The following MAPK10 variants were observed in gnomAD, a reference collection of about 807,000 sequenced individuals.
MAPK10 encodes the protein mitogen-activated protein kinase 10, also known as JNK3 alpha protein kinase.
Under a neutral mutation model 59.3 loss-of-function variants are expected in MAPK10, and 25 were observed. The ratio of observed to expected loss-of-function variants is 0.42; its 90% confidence interval spans 0.31 to 0.59. MAPK10 has a LOEUF of 0.59. Among genes scored for constraint, MAPK10 ranks in the 20% least tolerant of loss-of-function variants. The pLI is 0.15. For synonymous variants in MAPK10, 190 were observed against 200.5 expected (o/e 0.95, Z 0.44); for missense variants, 351 against 568.9 (o/e 0.62, Z 3.90).
At chr4:86,564,094 A>T (rs1470527929) in intron 1 of MAPK10, among the ~76,000 whole-genome samples, 1 of 152,140 alleles carries the variant, frequency 6.6e-6, no homozygotes, top group Non-Finnish European at 1.5e-5. Context: ...GGCCTCCCAA[A>T]GTTCTGGGAT....
rs1743476502 is a variant in MAPK10 at position 86,016,768 on chromosome 4, TAC to T, written c.*458_*459del. Reference sequence around the variant, plus strand: ...CTCTAAGTAAGTAGTGCTGTATGAATACAGACACATGCGGATCTGTATCTACA... The same window carrying T: ...CTCTAAGTAAGTAGTGCTGTATGAATAGACACATGCGGATCTGTATCTACA... On this transcript the variant is annotated 3_prime_UTR_variant, in exon 14 of 14. Transcript: ENST00000641462. 2 of 167,608 alleles carry T rather than the reference TAC, an allele frequency of 1.2e-5. No homozygotes were observed. Among genetic ancestry groups the T allele is most frequent in the Non-Finnish European group, 2.6e-5 (2 of 76,940 alleles). The allele number at this position is 167,608 out of a possible 1,614,324, so 10.4% of individuals were successfully genotyped here. A position where few individuals can be genotyped will look rare whatever the true frequency, so the allele number is the denominator to read the frequency against.
chr4:86,062,846 T>C (rs2045986819), intron 11 of MAPK10, among the ~76,000 whole-genome samples: 1 of 152,164 alleles, frequency 6.6e-6, no homozygotes, highest in African/African-American at 2.4e-5. Context: ...ATTTCCCAAG[T>C]GTGGGAGACT....
At chr4:86,390,498 G>GTA (rs1742054869) in intron 1 of MAPK10, among the ~76,000 whole-genome samples, 1 of 152,162 alleles carries the variant, frequency 6.6e-6, no homozygotes, top group Non-Finnish European at 1.5e-5. Context: ...GCTAGGGTAG[G>GTA]GGCTTCCATG....
chr4:86,227,485 T>TAAAA (rs557108399), intron 2 of MAPK10, among the ~76,000 whole-genome samples: 14 of 114,186 alleles, frequency 1.2e-4, no homozygotes, highest in African/African-American at 4.2e-4. Context: ...AGACTCCCTC[T>TAAAA]AAAAAAAAAA....
rs1754983659 is a variant in MAPK10, at chr4:86,497,770, T to C, written c.-263+96140A>G. Among the ~76,000 whole-genome samples, 5 of 152,134 alleles carry C rather than the reference T, an allele frequency of 3.3e-5. No individual in the cohort carries two copies. In the South Asian group the frequency reaches 8.3e-4, roughly 25 times the overall value. On this transcript the variant is annotated intron_variant, in intron 1 of 4. Transcript: ENST00000502302. ...ACCAAGCAAGCATCATATCATTAAATATGAAGTTGAGAAGATACGCTAACA... is the reference window on the plus strand; with the variant it reads ...ACCAAGCAAGCATCATATCATTAAACATGAAGTTGAGAAGATACGCTAACA...
intron 2 of MAPK10, among the ~76,000 whole-genome samples, chr4:86,316,050 G>C (rs1024352806): frequency 6.6e-6 from 1 of 152,084 alleles, no homozygotes; most frequent in Non-Finnish European, 1.5e-5. Flanking sequence ...GTCACTGCTA[G>C]AGTGGTATCT....
intron 2 of MAPK10, among the ~76,000 whole-genome samples, chr4:86,280,010 T>A (rs996247235): frequency 3.9e-5 from 6 of 152,142 alleles, no homozygotes; most frequent in African/African-American, 1.4e-4. Flanking sequence ...ATAAAAACCC[T>A]AGAAGAAAAC....
chr4:86,317,049 T>C (rs2095801685), intron 2 of MAPK10, among the ~76,000 whole-genome samples: 1 of 152,116 alleles, frequency 6.6e-6, no homozygotes, highest in South Asian at 2.1e-4. Flanking sequence ...GGAGAAATAA[T>C]CTGCCCAAAA....
intron 1 of MAPK10, among the ~76,000 whole-genome samples, chr4:86,575,145 G>C (rs899853893): frequency 6.6e-6 from 1 of 152,114 alleles, no homozygotes; most frequent in South Asian, 2.1e-4. Flanking sequence ...TGTTTGAGCC[G>C]GGACATTGGC....
chr4:86,266,332 C>T (rs72865371), intron 2 of MAPK10, among the ~76,000 whole-genome samples: 1 of 152,138 alleles, frequency 6.6e-6, no homozygotes, highest in Admixed American at 6.5e-5. Flanking sequence ...TGTATGACCT[C>T]GGCATACAGA....
intron 2 of MAPK10, among the ~76,000 whole-genome samples, chr4:86,346,044 A>G (rs1246903632): frequency 1.3e-5 from 2 of 152,232 alleles, no homozygotes; most frequent in Admixed American, 1.3e-4. Flanking sequence ...ATGAAAACAG[A>G]ATGTGTTTTG....
At chr4:86,376,670 T>C (rs924681907) in intron 1 of MAPK10, among the ~76,000 whole-genome samples, 21 of 152,170 alleles carry the variant, frequency 1.4e-4, no homozygotes, top group Non-Finnish European at 2.1e-4. Context: ...ATTAATCATA[T>C]CCATTCTATG....
At position 86,107,195 on chromosome 4, in the gene MAPK10, C is replaced by T. The variant is rs1159388633; in HGVS notation, c.366+28G>A. On this transcript the variant is annotated intron_variant, in intron 5 of 13. Coordinates refer to ENST00000641462, the MANE Select transcript of MAPK10 (RefSeq NM_138982.4). Reference sequence around the variant, plus strand: ...TTTCCAATCTTACAAACTCCCACTGCCAGAAGTTTAAAAATAACAAAACTC... The same window carrying T: ...TTTCCAATCTTACAAACTCCCACTGTCAGAAGTTTAAAAATAACAAAACTC... 3 of 1,587,428 alleles carry T rather than the reference C, an allele frequency of 1.9e-6. No homozygotes were observed. In the Admixed American group the frequency reaches 5.2e-5, roughly 28 times the overall value.
At chr4:86,109,297 G>C (rs1027071873) in intron 4 of MAPK10, among the ~76,000 whole-genome samples, 2 of 152,144 alleles carry the variant, frequency 1.3e-5, no homozygotes, top group Non-Finnish European at 2.9e-5. Context: ...GTAAATGTGG[G>C]ACATGGTGGT....
chr4:86,364,320 G>A (rs540105853), upstream of MAPK10, among the ~76,000 whole-genome samples: 1 of 152,040 alleles, frequency 6.6e-6, no homozygotes, highest in South Asian at 2.1e-4. Context: ...GTAGAGACAG[G>A]GTTTCACCAT....
At chr4:86,078,388 T>C (rs766399575) in intron 9 of MAPK10, among the ~76,000 whole-genome samples, 6 of 152,120 alleles carry the variant, frequency 3.9e-5, no homozygotes, top group Non-Finnish European at 5.9e-5. Context: ...GCAAAGGCCA[T>C]GGGAAATTAC....
At chr4:86,573,582 A>C (rs1761628438) in intron 1 of MAPK10, among the ~76,000 whole-genome samples, 1 of 152,176 alleles carries the variant, frequency 6.6e-6, no homozygotes, top group Non-Finnish European at 1.5e-5. Context: ...GGTCCTTTGC[A>C]TTTCCAAACA....
upstream of MAPK10, among the ~76,000 whole-genome samples, chr4:86,363,383 T>C (rs1648602662): frequency 6.6e-6 from 1 of 152,200 alleles, no homozygotes; most frequent in South Asian, 2.1e-4. Flanking sequence ...GAGGGACAAC[T>C]GCATTTGCCT....
intron 1 of MAPK10, among the ~76,000 whole-genome samples, chr4:86,425,773 G>A (rs890590286): frequency 6.6e-6 from 1 of 152,210 alleles, no homozygotes; most frequent in Non-Finnish European, 1.5e-5. Context: ...AGGAGTTCGA[G>A]AGCAGCCTGG....
Sources: allele counts gnomAD v4.1 joint callset (sites outside exome capture counted in the v4.1 genomes callset), GRCh38; gene constraint gnomAD v4.1.1; transcripts MANE v1.5; gene names NCBI Gene and HGNC (gene_info 2026-07-23, HGNC 2026-07-21).